Variants in LRP1 observed in about 807,000 individuals in gnomAD.
LRP1 encodes the protein prolow-density lipoprotein receptor-related protein 1.
In LRP1, 51 loss-of-function variants were observed where a neutral mutation model predicts 541.5. The observed-to-expected ratio is 0.09, with a 90% CI of 0.08 to 0.12. The LOEUF (loss-of-function observed/expected upper bound fraction) is 0.12, where lower values mean the gene tolerates loss of function less well. Among genes scored for constraint, LRP1 ranks in the 10% least tolerant of loss-of-function variants. LRP1 has a pLI of 1.00. For missense variants in LRP1, 3,878 were observed against 6,376.2 expected (o/e 0.61, Z 13.34); for synonymous variants, 2,219 against 2,470.8 (o/e 0.90, Z 3.02).
chr12:57,159,770 G>T, intron 11 of LRP1, 55 bp from the exon 12 acceptor site: 1 of 1,584,804 alleles, frequency 6.3e-7, no homozygotes, highest in Non-Finnish European at 8.7e-7. Context: ...CCAGAGGCAG[G>T]CAGCTTTGAA....
At chr12:57,129,164 CGGCCCGACTGGGGGCGGGGATGG>C in intron 1 of LRP1, 133 bp downstream of exon 1, 1 of 958,536 alleles carries the variant, frequency 1.0e-6, no homozygotes. Flanking sequence ...GACACAGCAG[CGGCCCGACTGGGGGCGGGGATGG>C]GGTCCGATTT....
rs756344891 is a variant in LRP1, at chr12:57,178,593, C to T, written c.4596C>T (p.Arg1532=). ...ACCTGCAGGTGTACCACCCCTCCCG[C>T]CAGCCCATGGGTAAGGGGCTCGGGG... ...PFDLQVYHPS[R]QPMAPNPCEA... is the part of the protein sequence containing the mutation. Residue 1532 remains arginine (R), a synonymous_variant, in exon 27 of 89, where the codon CGC becomes CGT. Coordinates refer to ENST00000243077, the MANE Select transcript of LRP1 (RefSeq NM_002332.3). The surrounding 1 kb of genome is among the most constrained non-coding windows in gnomAD (Gnocchi z 5.8). 2 of 1,614,052 alleles carry T rather than the reference C, an allele frequency of 1.2e-6. No homozygotes were observed. Among genetic ancestry groups the T allele is most frequent in the Admixed American group, 1.7e-5 (1 of 60,002 alleles).
intron 11 of LRP1, 150 bp from the exon 12 acceptor site, chr12:57,159,675 C>T (rs2035689067): frequency 3.0e-6 from 2 of 660,382 alleles, no homozygotes; most frequent in South Asian, 3.8e-5. Context: ...CCTGTCCCTA[C>T]CCCCACCCAT....
At chr12:57,129,083 G>A in intron 1 of LRP1, 52 bp downstream of exon 1, 2 of 1,524,496 alleles carry the variant, frequency 1.3e-6, no homozygotes, top group Non-Finnish European at 1.8e-6. Context: ...CCTCTCCCCA[G>A]CCCCCACTCC....
At chr12:57,199,099 TGG>T in intron 60 of LRP1, 111 bp from the exon 61 acceptor site, 1 of 946,580 alleles carries the variant, frequency 1.1e-6, no homozygotes, top group Non-Finnish European at 1.7e-6. Flanking sequence ...CATCTGTAAC[TGG>T]GGCTGACACC....
Position 57,184,188 on chromosome 12 carries a change from G to A in LRP1, c.6033G>A (p.Arg2011=), listed in dbSNP as rs1193926070. 1.2e-6 allele frequency: 2 copies of A among 1,614,058 alleles called. No individual in the cohort carries two copies. The highest frequency in any genetic ancestry group is 4.5e-5 in the East Asian group (2 of 44,882). Residue 2011 remains arginine, a synonymous_variant, in exon 37 of 89, where the codon CGG becomes CGA. Transcript: ENST00000243077. This position sits in a 1 kb window ranked among gnomAD's most constrained non-coding sequence, Gnocchi z 7.8. ...TCTCCCAGGGTCTAGACAAGCCCCG[G>A]GCCATCACCGTCCACCCGGAGAAAG... The part of the protein sequence containing the change: ...VVISQGLDKP[R]AITVHPEKGY...
intron 1 of LRP1, among the ~76,000 whole-genome samples, chr12:57,136,395 G>GGCCCCCCC (rs1555179757): frequency 1.0e-5 from 1 of 99,104 alleles, no homozygotes; most frequent in Admixed American, 1.3e-4. Flanking sequence ...CCTCCTAAGA[G>GGCCCCCCC]CCCCCCCCCC....
Position 57,185,046 on chromosome 12 carries a change from A to G in LRP1, c.6339-35A>G. 6.2e-7 allele frequency: 1 copy of G among 1,613,942 alleles called. No homozygotes were observed. Among genetic ancestry groups the G allele is most frequent in the Non-Finnish European group, 8.5e-7 (1 of 1,179,890 alleles). ...GATCTCTTCCTTCCCTCCTGCCTCC[A>G]CTGATGCCCTGCTTGTGCCCTGTCC... On this transcript the variant is annotated intron_variant, in intron 39 of 88. Transcript: ENST00000243077. This position sits in a 1 kb window ranked among gnomAD's most constrained non-coding sequence, Gnocchi z 4.9.
Position 57,197,559 on chromosome 12 carries a change from C to T in LRP1, c.9177C>T (p.Ala3059=), listed in dbSNP as rs371999072. 3.8e-5 allele frequency: 61 copies of T among 1,614,074 alleles called. No individual in the cohort carries two copies. Among genetic ancestry groups the T allele is most frequent in the East Asian group, 2.7e-4 (12 of 44,860 alleles). Residue 3059 remains alanine (A), a synonymous_variant, in exon 58 of 89, where the codon GCC becomes GCT. Coordinates refer to ENST00000243077, the MANE Select transcript of LRP1 (RefSeq NM_002332.3). The surrounding 1 kb of genome is among the most constrained non-coding windows in gnomAD (Gnocchi z 4.5). Reference sequence around the variant, plus strand: ...CCCAAATCCAGGGCCTGAACAACGCCGTTGCCTTGGATTTTGACTACCGAG... The same window carrying T: ...CCCAAATCCAGGGCCTGAACAACGCTGTTGCCTTGGATTTTGACTACCGAG... ...YTLLKQGLNN[A]VALDFDYREQ...
chr12:57,145,582 A>G, intron 6 of LRP1, 92 bp downstream of exon 6: 4 of 1,494,108 alleles, frequency 2.7e-6, no homozygotes, highest in Non-Finnish European at 3.6e-6. Flanking sequence ...GGAGTTACAC[A>G]GGATGGTCCT....
At position 57,196,214 on chromosome 12, in the gene LRP1, G is replaced by A. The variant is rs747445360; in HGVS notation, c.8829G>A (p.Glu2943=). ...ACGAGCGTGGCTGCCACATCAATGA[G>A]TGTCTCAGCCGCAAGCTCAGTGGCT... ...SSDERGCHIN[E]CLSRKLSGCS... is the part of the protein sequence containing the mutation. Residue 2943 remains glutamate (E), a synonymous_variant, in exon 55 of 89, where the codon GAG becomes GAA. Coordinates refer to ENST00000243077, the MANE Select transcript of LRP1 (RefSeq NM_002332.3). 12 of 1,612,090 alleles carry A rather than the reference G, an allele frequency of 7.4e-6. No homozygotes were observed. The highest frequency in any genetic ancestry group is 1.3e-5 in the African/African-American group (1 of 74,936).
In LRP1 at chr12:57,183,273, G is replaced by C. The variant is rs568195291; in HGVS notation, c.5663-106G>C. On this transcript the variant is annotated intron_variant, in intron 34 of 88. Coordinates refer to ENST00000243077, the MANE Select transcript of LRP1 (RefSeq NM_002332.3). The surrounding 1 kb of genome is among the most constrained non-coding windows in gnomAD (Gnocchi z 6.1). ...GGGTGGAGGATAGGGATGATGGTGG[G>C]GGGGGATGATATCAAAGGAGAAGCA... The C allele has an allele frequency of 1.8e-4, 218 of 1,230,204 alleles. 1 individual carries two copies. The highest frequency in any genetic ancestry group is 2.6e-4 in the Admixed American group (13 of 50,720). The allele number at this position is 1,230,204 out of a possible 1,614,324, so 76.2% of individuals were successfully genotyped here. A position where few individuals can be genotyped will look rare whatever the true frequency, so the allele number is the denominator to read the frequency against.
rs764419797 is a variant in LRP1 at position 57,203,233 on chromosome 12, C to T, written c.10764C>T (p.Ile3588=). The T allele has an allele frequency of 1.7e-5, 28 of 1,611,006 alleles. No individual in the cohort carries two copies. Among genetic ancestry groups the T allele is most frequent in the East Asian group, 4.5e-5 (2 of 44,830 alleles). ...TCTCCTGTGCCAACGGCCGCTGCAT[C>T]GCGGGGCGCTGGAAATGCGATGGAG... ...SEFSCANGRC[I]AGRWKCDGDH... The change falls in exon 69 of 89, where the codon ATC becomes ATT. Residue 3588 remains isoleucine, a synonymous_variant. Transcript: ENST00000243077.
At chr12:57,136,222 TG>T (rs1312899358) in intron 1 of LRP1, among the ~76,000 whole-genome samples, 1 of 151,496 alleles carries the variant, frequency 6.6e-6, no homozygotes, top group African/African-American at 2.4e-5. Flanking sequence ...AGGCTCAGGG[TG>T]GGGGCCAGGG....
rs372838004 is a variant in LRP1, at chr12:57,178,614, C to A, written c.4606+11C>A. ...CCCGCCAGCCCATGGGTAAGGGGCT[C>A]GGGGCCTCGAGCAGCCGGAAGGGAG... is the stretch of plus-strand genomic sequence containing the variant. On this transcript the variant is annotated intron_variant, in intron 27 of 88. Transcript: ENST00000243077. The surrounding 1 kb of genome is among the most constrained non-coding windows in gnomAD (Gnocchi z 5.8). The A allele has an allele frequency of 1.2e-6, 2 of 1,613,714 alleles. No homozygotes were observed. The highest frequency in any genetic ancestry group is 1.7e-6 in the Non-Finnish European group (2 of 1,179,846).
rs1555186290 is a variant in LRP1 at position 57,192,931 on chromosome 12, C to T, written c.7516C>T (p.Arg2506Ter). ...CCAGGGCCATGTCAACTGCTCATGC[C>T]GAGGGGGCCGAATCCTCCAGGATGA... is the stretch of plus-strand genomic sequence containing the variant. ...THQGHVNCSC[R>*]GGRILQDDLT... The change falls in exon 45 of 89, where the codon CGA becomes TGA. Residue 2506 changes from arginine (R) to a stop codon, truncating the protein, a stop_gained. Transcript: ENST00000243077. LOFTEE classifies it high-confidence loss of function. 1 of 1,613,822 alleles carries T rather than the reference C, an allele frequency of 6.2e-7. No homozygotes were observed. Among genetic ancestry groups the T allele is most frequent in the Non-Finnish European group, 8.5e-7 (1 of 1,179,956 alleles).
rs1312025182 is a variant in LRP1 at position 57,185,525 on chromosome 12, C to T, written c.6464-6C>T. ...GCCCTGCCCTCTGTACCCTCCCCTC[C>T]CCCAGGCACCAACGTGTGCGCGGTG... On this transcript the variant is annotated splice_region_variant and splice_polypyrimidine_tract_variant and intron_variant, in intron 40 of 88. Transcript: ENST00000243077. This position sits in a 1 kb window ranked among gnomAD's most constrained non-coding sequence, Gnocchi z 4.9. The T allele has an allele frequency of 1.9e-6, 3 of 1,579,334 alleles. No homozygotes were observed. In the African/African-American group the frequency reaches 4.0e-5, roughly 21 times the overall value.
chr12:57,203,051 G>A (rs978671840), intron 68 of LRP1, 130 bp from the exon 69 acceptor site: 12 of 687,686 alleles, frequency 1.7e-5, no homozygotes, highest in Admixed American at 3.0e-5. Flanking sequence ...GGACTGGCTC[G>A]GCCTCTGGGT....
chr12:57,191,952 CA>C (rs1412779485), intron 44 of LRP1, among the ~76,000 whole-genome samples: 57 of 40,296 alleles, frequency 1.4e-3, no homozygotes, highest in East Asian at 3.5e-3. Flanking sequence ...CACATACACA[CA>C]CCACATACAC....
Sources: gnomAD v4.1 joint callset for allele counts (sites outside exome capture counted in the v4.1 genomes callset) on GRCh38, gnomAD v4.1.1 for gene constraint, Gnocchi (gnomAD v3.1) non-coding constraint, MANE v1.5 for transcripts, NCBI Gene and HGNC (gene_info 2026-07-23, HGNC 2026-07-21) for gene names.